Variants in PCNX2 observed in about 807,000 individuals in gnomAD.
PCNX2 encodes pecanex 2.
Under a neutral mutation model 223.8 loss-of-function variants are expected in PCNX2, and 168 were observed. The ratio of observed to expected loss-of-function variants is 0.75; its 90% CI spans 0.66 to 0.85. The LOEUF (loss-of-function observed/expected upper bound fraction) is 0.85. PCNX2 is among the 40% of genes least tolerant of loss of function. PCNX2 has a pLI of 0.00. For missense variants in PCNX2, 2,507 were observed against 2,675.5 expected (o/e 0.94, Z 1.39); for synonymous variants, 1,006 against 1,052.6 (o/e 0.96, Z 0.86).
intron 21 of PCNX2, among the ~76,000 whole-genome samples, chr1:233,119,403 C>CAA (rs71173251): frequency 0.028 from 1,094 of 38,498 alleles, 66 homozygotes; most frequent in Non-Finnish European, 0.037. Flanking sequence ...ACTAAAAATA[C>CAA]AAAAAAAAAA....
chr1:233,222,109 C>T (rs1657414678), intron 10 of PCNX2, among the ~76,000 whole-genome samples: 1 of 152,112 alleles, frequency 6.6e-6, no homozygotes, highest in Admixed American at 6.5e-5. Context: ...AGGGAGTTGG[C>T]ACTGCAAACA....
intron 28 of PCNX2, among the ~76,000 whole-genome samples, chr1:233,010,672 T>C (rs770349514): frequency 4.6e-5 from 7 of 152,252 alleles, no homozygotes; most frequent in Non-Finnish European, 1.0e-4. Context: ...CAAGAAGGTA[T>C]GTCCCAAACC....
In PCNX2 at chr1:233,033,540, G is replaced by C. The variant is rs1572031785; in HGVS notation, c.4352-8141C>G. ...AGCTATTTCTGGCAAAGACACCAGAGAGATGATATCCCCAGGATCCTCATA... is the reference window on the plus strand; with the variant it reads ...AGCTATTTCTGGCAAAGACACCAGACAGATGATATCCCCAGGATCCTCATA... On this transcript the variant is annotated intron_variant, in intron 25 of 33. Transcript: ENST00000258229. 3.9e-5 allele frequency among the ~76,000 whole-genome samples: 6 copies of C among 152,320 alleles called. 1 individual carries two copies. Among genetic ancestry groups the C allele is most frequent in the Admixed American group, 3.9e-4 (6 of 15,302 alleles).
chr1:233,127,365 C>G (rs1383201289), intron 21 of PCNX2, among the ~76,000 whole-genome samples: 1 of 152,206 alleles, frequency 6.6e-6, no homozygotes, highest in East Asian at 1.9e-4. Context: ...TGCTTCTGTG[C>G]CTTTACACAT....
At chr1:233,224,720 T>C (rs1397303472) in intron 10 of PCNX2, among the ~76,000 whole-genome samples, 2 of 152,140 alleles carry the variant, frequency 1.3e-5, no homozygotes, top group Non-Finnish European at 2.9e-5. Context: ...TGTAGTCCCT[T>C]TCCTTATTTT....
At chr1:233,224,241 A>C (rs79475858) in intron 10 of PCNX2, among the ~76,000 whole-genome samples, 2,556 of 152,326 alleles carry the variant, frequency 0.017, 31 homozygotes, top group South Asian at 0.049. Flanking sequence ...CAGTGTTTTG[A>C]AGGAAAGGGT....
At chr1:233,120,615 C>A (rs1016117067) in intron 21 of PCNX2, among the ~76,000 whole-genome samples, 1 of 152,152 alleles carries the variant, frequency 6.6e-6, no homozygotes, top group African/African-American at 2.4e-5. Flanking sequence ...ATCTCCACAA[C>A]AACCTGGATG....
At chr1:233,029,943 G>C (rs1256308315) in intron 25 of PCNX2, among the ~76,000 whole-genome samples, 1 of 151,862 alleles carries the variant, frequency 6.6e-6, no homozygotes, top group Non-Finnish European at 1.5e-5. Context: ...GTCTTGCTTG[G>C]GATGTGTTGA....
At chr1:233,099,467 A>T (rs1227351761) in intron 21 of PCNX2, among the ~76,000 whole-genome samples, 1 of 152,188 alleles carries the variant, frequency 6.6e-6, no homozygotes, top group African/African-American at 2.4e-5. Flanking sequence ...CTACCCAAAA[A>T]GCCTGATGAC....
intron 21 of PCNX2, among the ~76,000 whole-genome samples, chr1:233,123,490 G>T (rs555815822): frequency 6.6e-6 from 1 of 151,968 alleles, no homozygotes; most frequent in Non-Finnish European, 1.5e-5. Context: ...GCTGAGGCAG[G>T]AGAATCACTT....
intron 15 of PCNX2, among the ~76,000 whole-genome samples, chr1:233,192,904 T>G (rs1680497359): frequency 6.6e-6 from 1 of 150,452 alleles, no homozygotes. Context: ...AATACTGAAT[T>G]GCACACAAAA....
In PCNX2 at chr1:233,230,347, G is replaced by A. The variant is rs537512229; in HGVS notation, c.2359-2976C>T. 2.8e-4 allele frequency among the ~76,000 whole-genome samples: 43 copies of A among 152,264 alleles called. 1 individual carries two copies. In the South Asian group the frequency reaches 8.1e-3, roughly 29 times the overall value. ...TGCGTAAGTGAGGACCCTCAGTGGAGTCTGAGAAGGAGTTTCATATTCATC... is the reference window on the plus strand; with the variant it reads ...TGCGTAAGTGAGGACCCTCAGTGGAATCTGAGAAGGAGTTTCATATTCATC... On this transcript the variant is annotated intron_variant, in intron 9 of 33. Transcript: ENST00000258229.
intron 19 of PCNX2, among the ~76,000 whole-genome samples, chr1:233,142,414 CCT>C (rs1240124112): frequency 6.6e-6 from 1 of 152,206 alleles, no homozygotes; most frequent in African/African-American, 2.4e-5. Flanking sequence ...ACTACTGGCT[CCT>C]CCTGAAGCCA....
At chr1:233,025,966 G>A (rs1484126348) in intron 25 of PCNX2, among the ~76,000 whole-genome samples, 1 of 152,206 alleles carries the variant, frequency 6.6e-6, no homozygotes, top group Non-Finnish European at 1.5e-5. Context: ...AAACTGATGA[G>A]CTAGTGAATA....
intron 15 of PCNX2, among the ~76,000 whole-genome samples, chr1:233,179,653 G>A (rs113568906): frequency 1.3e-5 from 2 of 152,170 alleles, no homozygotes; most frequent in Non-Finnish European, 2.9e-5. Context: ...TTCAAAGCTT[G>A]TCTTGGTTTA....
intron 12 of PCNX2, among the ~76,000 whole-genome samples, chr1:233,217,617 T>C (rs1468927453): frequency 1.3e-5 from 2 of 151,838 alleles, no homozygotes; most frequent in African/African-American, 4.9e-5. Context: ...CCCCCAAGAC[T>C]GCTCGATCTT....
Position 233,258,218 on chromosome 1 carries a change from A to G in PCNX2, c.1644T>C (p.Ile548=). The G allele has an allele frequency of 1.2e-6, 2 of 1,613,996 alleles. No individual in the cohort carries two copies. The highest frequency in any genetic ancestry group is 2.2e-5 in the South Asian group (2 of 91,074). The change falls in exon 5 of 34, where the codon ATT becomes ATC. Residue 548 remains isoleucine (I), a synonymous_variant. Coordinates refer to ENST00000258229, the MANE Select transcript of PCNX2 (RefSeq NM_014801.4). ...GCATTGTTTTCTCTGTATCGTTAAC[A>G]ATTTCTGCAGAACTTTTACTCAAGA... is the stretch of plus-strand genomic sequence containing the variant. ...DVFLSKSSAE[I]VNDTEKTMPT... is the part of the protein sequence containing the mutation.
At chr1:233,249,777 A>G (rs573372812) in intron 8 of PCNX2, among the ~76,000 whole-genome samples, 1 of 152,222 alleles carries the variant, frequency 6.6e-6, no homozygotes, top group African/African-American at 2.4e-5. Context: ...TGGCACTAGC[A>G]TTCCTAAGCA....
intron 8 of PCNX2, among the ~76,000 whole-genome samples, chr1:233,237,506 T>C (rs1166969209): frequency 6.6e-6 from 1 of 152,210 alleles, no homozygotes; most frequent in Non-Finnish European, 1.5e-5. Flanking sequence ...AGTTGTGATC[T>C]ATATCTAAAA....
Sources: gnomAD v4.1 joint callset for allele counts (sites outside exome capture counted in the v4.1 genomes callset) on GRCh38, gnomAD v4.1.1 for gene constraint, MANE v1.5 for transcripts, NCBI Gene and HGNC (gene_info 2026-07-23, HGNC 2026-07-21) for gene names.